The following ZYG11B variants were observed in gnomAD, a reference collection of about 807,000 sequenced individuals.
The protein encoded by ZYG11B is protein zyg-11 homolog B.
A neutral mutation model predicts 82.4 loss-of-function variants in ZYG11B; 36 were observed. That is an observed-to-expected ratio of 0.44 (90% CI 0.33 to 0.58). The LOEUF is 0.58. Among genes scored for constraint, ZYG11B ranks in the 20% least tolerant of loss-of-function variants. The pLI is 0.02. For synonymous variants in ZYG11B, 303 were observed against 312.8 expected (o/e 0.97, Z 0.33); for missense variants, 552 against 895.6 (o/e 0.62, Z 4.90).
At chr1:52,729,776 G>A (rs1644314745) in intron 1 of ZYG11B, among the ~76,000 whole-genome samples, 1 of 152,060 alleles carries the variant, frequency 6.6e-6, no homozygotes, top group African/African-American at 2.4e-5. Flanking sequence ...GGAGGTGGAG[G>A]TTGCAGTGAA....
chr1:52,783,882 A>ATGTACATACAAGTGTGTG (rs74208826), intron 4 of ZYG11B, among the ~76,000 whole-genome samples: 1 of 126,012 alleles, frequency 7.9e-6, no homozygotes, highest in African/African-American at 3.5e-5. Flanking sequence ...ACGTGTGTGT[A>ATGTACATACAAGTGTGTG]TATGTACATA....
chr1:52,805,601 G>A (rs1645135437), intron 10 of ZYG11B: 1 of 425,882 alleles, frequency 2.3e-6, no homozygotes, highest in Admixed American at 2.6e-5. Flanking sequence ...GGAGGCTGAG[G>A]TGGGTGGATC....
chr1:52,815,800 T>C (rs1418259087), intron 12 of ZYG11B, among the ~76,000 whole-genome samples: 1 of 150,342 alleles, frequency 6.7e-6, no homozygotes, highest in Non-Finnish European at 1.5e-5. Flanking sequence ...CCGGGCGTGG[T>C]GGCAGGCGCC....
intron 4 of ZYG11B, among the ~76,000 whole-genome samples, chr1:52,780,908 T>C (rs1644850813): frequency 6.6e-6 from 1 of 152,102 alleles, no homozygotes; most frequent in Non-Finnish European, 1.5e-5. Context: ...TTTGGGAGGC[T>C]GAGGCAGGTG....
intron 7 of ZYG11B, 102 bp downstream of exon 7, chr1:52,796,493 T>A: frequency 9.6e-7 from 1 of 1,041,818 alleles, no homozygotes; most frequent in Non-Finnish European, 1.4e-6. Context: ...AGTAAATCTC[T>A]CTGCCAGCCT....
At chr1:52,749,696 C>T (rs931125008) in intron 1 of ZYG11B, among the ~76,000 whole-genome samples, 11 of 151,684 alleles carry the variant, frequency 7.3e-5, no homozygotes, top group Non-Finnish European at 1.3e-4. Flanking sequence ...CTCCGCCTCC[C>T]GGGTTGCCAC....
intron 2 of ZYG11B, among the ~76,000 whole-genome samples, chr1:52,761,910 T>C (rs773807488): frequency 6.6e-6 from 1 of 152,214 alleles, no homozygotes; most frequent in African/African-American, 2.4e-5. Context: ...ATTTCCTTGA[T>C]GATTAGTGAT....
At chr1:52,787,348 A>G (rs934810740) in intron 5 of ZYG11B, among the ~76,000 whole-genome samples, 5 of 152,214 alleles carry the variant, frequency 3.3e-5, no homozygotes, top group African/African-American at 7.2e-5. Context: ...GCAAAACTAT[A>G]CGACACATTA....
At chr1:52,782,931 C>CTT (rs33945214) in intron 4 of ZYG11B, among the ~76,000 whole-genome samples, 68,572 of 143,014 alleles carry the variant, frequency 0.48, 16,772 homozygotes, top group East Asian at 0.61. Context: ...TAGGCAATTC[C>CTT]TTTTTTTTTT....
At chr1:52,753,260 G>A (rs570728644) in intron 1 of ZYG11B, among the ~76,000 whole-genome samples, 52 of 152,126 alleles carry the variant, frequency 3.4e-4, no homozygotes, top group Admixed American at 2.8e-3. Context: ...TTGCTGGATC[G>A]TATTGGTAAC....
rs769810645 is a variant in ZYG11B at position 52,771,000 on chromosome 1, C to T, written c.197-20C>T. On this transcript the variant is annotated intron_variant, in intron 2 of 13. Coordinates refer to ENST00000294353, the MANE Select transcript of ZYG11B (RefSeq NM_024646.3). ...CTTTAACTGTTTTTTGAATTTAAAACGCTGCTTGTTTTTCCACAGGTCTAT... is the reference window on the plus strand; with the variant it reads ...CTTTAACTGTTTTTTGAATTTAAAATGCTGCTTGTTTTTCCACAGGTCTAT... The T allele has an allele frequency of 2.7e-4, 419 of 1,578,646 alleles. 1 individual carries two copies. Among genetic ancestry groups the T allele is most frequent in the Non-Finnish European group, 3.4e-4 (395 of 1,161,630 alleles).
In ZYG11B at chr1:52,790,032, C is replaced by T. The variant is rs879172459; in HGVS notation, c.1299C>T (p.Cys433=). 1.3e-6 allele frequency: 2 copies of T among 1,593,168 alleles called. No individual in the cohort carries two copies. The highest frequency in any genetic ancestry group is 2.3e-5 in the South Asian group (2 of 85,598). Residue 433 remains cysteine (C), a synonymous_variant, in exon 6 of 14, where the codon TGC becomes TGT. Transcript: ENST00000294353. The part of the protein sequence containing the change: ...QLQKNCLLSL[C]SDRILQDVPF... Reference sequence around the variant, plus strand: ...AGAAGAATTGCCTCCTTTCACTTTGCAGTGACCGGATCCTTCAAGATGTTC... The same window carrying T: ...AGAAGAATTGCCTCCTTTCACTTTGTAGTGACCGGATCCTTCAAGATGTTC...
At chr1:52,729,764 C>T (rs1016240699) in intron 1 of ZYG11B, among the ~76,000 whole-genome samples, 5 of 151,570 alleles carry the variant, frequency 3.3e-5, no homozygotes, top group Admixed American at 1.3e-4. Flanking sequence ...CACTTGAACC[C>T]AGGAGGTGGA....
chr1:52,820,462 C>T (rs944848378), intron 13 of ZYG11B, among the ~76,000 whole-genome samples: 25 of 151,550 alleles, frequency 1.6e-4, no homozygotes, highest in Non-Finnish European at 3.2e-4. Flanking sequence ...GACTGGCCAG[C>T]GTGGTAAAAC....
At chr1:52,795,641 C>T (rs1645000694) in intron 6 of ZYG11B, among the ~76,000 whole-genome samples, 1 of 152,156 alleles carries the variant, frequency 6.6e-6, no homozygotes, top group Non-Finnish European at 1.5e-5. Flanking sequence ...ATGGTTCTTT[C>T]TTACTTCCTC....
chr1:52,750,176 C>T (rs1644508984), intron 1 of ZYG11B, among the ~76,000 whole-genome samples: 1 of 152,040 alleles, frequency 6.6e-6, no homozygotes, highest in African/African-American at 2.4e-5. Flanking sequence ...TGGCTCACTG[C>T]AACCTCCGCC....
chr1:52,779,680 G>T (rs896783643), intron 3 of ZYG11B, among the ~76,000 whole-genome samples, 173 bp from the exon 4 acceptor site: 3 of 152,154 alleles, frequency 2.0e-5, no homozygotes, highest in African/African-American at 7.2e-5. Context: ...AGTAGAGATG[G>T]AGTTTCACCA....
chr1:52,818,010 G>C (rs1191207363), intron 13 of ZYG11B, among the ~76,000 whole-genome samples: 1 of 148,850 alleles, frequency 6.7e-6, no homozygotes, highest in Non-Finnish European at 1.5e-5. Context: ...GCTAATTTTC[G>C]TATTTTTAGT....
At chr1:52,741,953 A>G (rs1644434608) in intron 1 of ZYG11B, among the ~76,000 whole-genome samples, 1 of 152,214 alleles carries the variant, frequency 6.6e-6, no homozygotes, top group Non-Finnish European at 1.5e-5. Context: ...ATAGTATTAC[A>G]TAGTCTTTTA....
Sources: gnomAD v4.1 joint callset for allele counts (sites outside exome capture counted in the v4.1 genomes callset) on GRCh38, gnomAD v4.1.1 for gene constraint, MANE v1.5 for transcripts, NCBI Gene and HGNC (gene_info 2026-07-23, HGNC 2026-07-21) for gene names.